RRAGD: variants seen among roughly 807,000 people sequenced by gnomAD.
The protein encoded by RRAGD is Ras related GTP binding D, also known as ras-related GTP-binding protein D.
Under a neutral mutation model 35.5 loss-of-function variants are expected in RRAGD, and 12 were observed. The ratio of observed to expected loss-of-function variants is 0.34; its 90% CI spans 0.22 to 0.55. RRAGD has a LOEUF of 0.55. RRAGD is among the 20% of genes least tolerant of loss of function. The pLI is 0.91. For synonymous variants in RRAGD, 155 were observed against 178.9 expected (o/e 0.87, Z 1.07); for missense variants, 324 against 490.1 (o/e 0.66, Z 3.20).
chr6:89,372,408 GCTT>G (rs1768869457), intron 6 of RRAGD, 26 bp downstream of exon 6: 4 of 1,583,972 alleles, frequency 2.5e-6, no homozygotes, highest in Non-Finnish European at 3.4e-6. Context: ...TTCTTTTAAT[GCTT>G]CTTTTAAATC....
chr6:89,373,347 G>A (rs572374605), intron 5 of RRAGD, among the ~76,000 whole-genome samples: 5 of 152,250 alleles, frequency 3.3e-5, no homozygotes, highest in Admixed American at 2.6e-4. Flanking sequence ...TTGGCCAGGC[G>A]CAGTGGCTCA....
chr6:89,385,442 CT>C (rs1338342775), intron 2 of RRAGD, among the ~76,000 whole-genome samples: 1 of 152,178 alleles, frequency 6.6e-6, no homozygotes, highest in Non-Finnish European at 1.5e-5. Context: ...CATGACATCC[CT>C]GGAGCCTCCC....
rs915344850 is a variant in RRAGD at position 89,364,726 on chromosome 6, G to A, written c.*3330C>T. The A allele has an allele frequency of 6.6e-6, 1 of 152,154 alleles. No homozygotes were observed. The highest frequency in any genetic ancestry group is 2.4e-5 in the African/African-American group (1 of 41,430). 9.4% of individuals were successfully genotyped at this position (152,154 alleles called of 1,614,324 possible). ...AATTTTACCAAATGGATGTAACAGG[G>A]CCAATGAAACAGTGACATACATGTA... On this transcript the variant is annotated 3_prime_UTR_variant, in exon 7 of 7. Coordinates refer to ENST00000369415, the MANE Select transcript of RRAGD (RefSeq NM_021244.5).
At chr6:89,394,416 G>A (rs1017055370) in intron 1 of RRAGD, among the ~76,000 whole-genome samples, 1 of 151,906 alleles carries the variant, frequency 6.6e-6, no homozygotes, top group Non-Finnish European at 1.5e-5. Flanking sequence ...GAAGACAACA[G>A]AACAGATCTT....
intron 6 of RRAGD, among the ~76,000 whole-genome samples, chr6:89,369,522 C>T (rs2127883338): frequency 6.6e-6 from 1 of 152,308 alleles, no homozygotes; most frequent in Non-Finnish European, 1.5e-5. Context: ...GGCTCAATCA[C>T]AGCTCATTGC....
At position 89,384,828 on chromosome 6, in the gene RRAGD, A is replaced by AG. The variant is rs1169433416; in HGVS notation, c.444+2466_444+2467insC. 2.0e-5 allele frequency among the ~76,000 whole-genome samples: 3 copies of AG among 151,874 alleles called. 1 individual carries two copies. Among genetic ancestry groups the AG allele is most frequent in the Non-Finnish European group, 4.4e-5 (3 of 67,962 alleles). On this transcript the variant is annotated intron_variant, in intron 2 of 6. Coordinates refer to ENST00000369415, the MANE Select transcript of RRAGD (RefSeq NM_021244.5). Reference sequence around the variant, plus strand: ...GACTCCGTCTCAAAAAAAAAAAAAAAAAAAGTATACCTTTAAAAAATGAAC... The same window carrying AG: ...GACTCCGTCTCAAAAAAAAAAAAAAAGAAAAGTATACCTTTAAAAAATGAAC...
At chr6:89,388,844 T>C (rs1769181083) in intron 1 of RRAGD, among the ~76,000 whole-genome samples, 1 of 152,034 alleles carries the variant, frequency 6.6e-6, no homozygotes, top group Non-Finnish European at 1.5e-5. Context: ...CCATGTGGGG[T>C]TGATGGGAGA....
chr6:89,377,020 C>T (rs961653644), intron 5 of RRAGD, among the ~76,000 whole-genome samples: 3 of 152,146 alleles, frequency 2.0e-5, no homozygotes, highest in Admixed American at 2.0e-4. Context: ...AGGGTAAAGA[C>T]CTTTATGATG....
intron 6 of RRAGD, among the ~76,000 whole-genome samples, chr6:89,371,807 T>C (rs1768858044): frequency 6.6e-6 from 1 of 152,294 alleles, no homozygotes; most frequent in Non-Finnish European, 1.5e-5. Flanking sequence ...TGTTTAGATA[T>C]TATAGAAGGG....
Position 89,411,844 on chromosome 6 carries a change from A to C in RRAGD, c.148+2T>G. ...CCGAGGACGCGGGGGCCGGGCGCTC[A>C]CCTCCCTCCTCTGTGCCGCTGTCCG... On this transcript the variant is annotated splice_donor_variant, in intron 1 of 6. Coordinates refer to ENST00000369415, the MANE Select transcript of RRAGD (RefSeq NM_021244.5). LOFTEE classifies it high-confidence loss of function. The surrounding 1 kb of genome is among the most constrained non-coding windows in gnomAD (Gnocchi z 5.6). 3 of 1,546,100 alleles carry C rather than the reference A, an allele frequency of 1.9e-6. No homozygotes were observed. The highest frequency in any genetic ancestry group is 2.6e-6 in the Non-Finnish European group (3 of 1,149,292).
At chr6:89,377,441 T>C (rs1394403296) in intron 5 of RRAGD, among the ~76,000 whole-genome samples, 3 of 152,160 alleles carry the variant, frequency 2.0e-5, no homozygotes, top group Non-Finnish European at 2.9e-5. Flanking sequence ...GGACACCCTA[T>C]TGCTAAAAAA....
intron 1 of RRAGD, among the ~76,000 whole-genome samples, chr6:89,403,539 T>C (rs1229369951): frequency 6.6e-6 from 1 of 151,968 alleles, no homozygotes; most frequent in Non-Finnish European, 1.5e-5. Context: ...TGTGGAATAC[T>C]ATAAGGCAAC....
intron 6 of RRAGD, 29 bp downstream of exon 6, chr6:89,372,408 G>C (rs1370497603): frequency 6.3e-7 from 1 of 1,584,090 alleles, no homozygotes; most frequent in Admixed American, 1.8e-5. Flanking sequence ...TTCTTTTAAT[G>C]CTTCTTTTAA....
intron 1 of RRAGD, among the ~76,000 whole-genome samples, chr6:89,390,554 GC>G (rs1769214638): frequency 6.6e-6 from 1 of 152,200 alleles, no homozygotes; most frequent in Non-Finnish European, 1.5e-5. Context: ...ACCTTCATAT[GC>G]CACTGGTGGG....
In RRAGD at chr6:89,379,348, G is replaced by A. The variant is rs779942671; in HGVS notation, c.645-10C>T. 3 of 1,397,482 alleles carry A rather than the reference G, an allele frequency of 2.1e-6. No homozygotes were observed. The highest frequency in any genetic ancestry group is 2.3e-5 in the East Asian group (1 of 43,758). 86.6% of individuals were successfully genotyped at this position (1,397,482 alleles called of 1,614,324 possible). A position where few individuals can be genotyped will look rare whatever the true frequency, so the allele number is the denominator to read the frequency against. ...GCTTGTCAGATAAAAGCTGAAAGAG[G>A]AAACGGTATTTCATCATGTTTTCCC... On this transcript the variant is annotated splice_polypyrimidine_tract_variant and intron_variant, in intron 3 of 6. Transcript: ENST00000369415.
At chr6:89,387,053 T>C (rs1022839441) in intron 2 of RRAGD, among the ~76,000 whole-genome samples, 7 of 152,208 alleles carry the variant, frequency 4.6e-5, no homozygotes, top group African/African-American at 1.7e-4. Context: ...AATGGGCCCC[T>C]CCATCAGTGA....
At chr6:89,409,718 G>C (rs776125573) in intron 1 of RRAGD, among the ~76,000 whole-genome samples, 1 of 152,162 alleles carries the variant, frequency 6.6e-6, no homozygotes, top group African/African-American at 2.4e-5. Flanking sequence ...TCTGACACTA[G>C]AGAGCAAATG....
At position 89,372,593 on chromosome 6, in the gene RRAGD, G is replaced by C; in HGVS notation, c.903-8C>G. ...GCTCCATCTTCTTTGAGACTAAATG[G>C]GGACAGAAACCAAAACATGTGACCA... On this transcript the variant is annotated splice_region_variant and splice_polypyrimidine_tract_variant and intron_variant, in intron 5 of 6. Transcript: ENST00000369415. 6.6e-7 allele frequency: 1 copy of C among 1,510,796 alleles called. No individual in the cohort carries two copies. Among genetic ancestry groups the C allele is most frequent in the South Asian group, 1.3e-5 (1 of 75,310 alleles). The allele number at this position is 1,510,796 out of a possible 1,614,324, so 93.6% of individuals were successfully genotyped here. A position where few individuals can be genotyped will look rare whatever the true frequency, so the allele number is the denominator to read the frequency against.
chr6:89,392,479 CGAA>C (rs1294841922), intron 1 of RRAGD, among the ~76,000 whole-genome samples: 2 of 141,654 alleles, frequency 1.4e-5, no homozygotes. Flanking sequence ...AACCCTGTCT[CGAA>C]AAAAAAAAAA....
Sources: gnomAD v4.1 joint callset for allele counts (sites outside exome capture counted in the v4.1 genomes callset) on GRCh38, gnomAD v4.1.1 for gene constraint, Gnocchi (gnomAD v3.1) non-coding constraint, MANE v1.5 for transcripts, NCBI Gene and HGNC (gene_info 2026-07-23, HGNC 2026-07-21) for gene names.